The following MCC variants were observed in gnomAD, a reference collection of about 807,000 sequenced individuals.
MCC encodes MCC regulator of Wnt signaling pathway.
A neutral mutation model predicts 116.2 loss-of-function variants in MCC; 90 were observed. That is an observed-to-expected ratio of 0.77 (90% CI 0.65 to 0.92). The LOEUF (loss-of-function observed/expected upper bound fraction) is 0.92, where lower values mean the gene tolerates loss of function less well. Ranked by LOEUF, MCC falls within the 40% of genes least tolerant of loss-of-function variation. MCC has a pLI of 0.00. For synonymous variants in MCC, 578 were observed against 510.5 expected (o/e 1.13, Z -1.78); for missense variants, 1,516 against 1,312.2 (o/e 1.16, Z -2.40).
At chr5:113,311,742 G>A (rs1767138094) in intron 3 of MCC, among the ~76,000 whole-genome samples, 1 of 152,126 alleles carries the variant, frequency 6.6e-6, no homozygotes, top group Non-Finnish European at 1.5e-5. Flanking sequence ...GGAGGCTGAG[G>A]CGGGTGGATC....
chr5:113,087,459 C>G (rs1314618317), intron 8 of MCC, among the ~76,000 whole-genome samples: 1 of 152,178 alleles, frequency 6.6e-6, no homozygotes, highest in Non-Finnish European at 1.5e-5. Context: ...GATTACAGGA[C>G]TCGTTCTGAA....
intron 2 of MCC, among the ~76,000 whole-genome samples, chr5:113,348,036 A>G (rs1768175670): frequency 1.3e-5 from 2 of 152,118 alleles, no homozygotes; most frequent in South Asian, 4.1e-4. Flanking sequence ...AATTGTAATT[A>G]TGCACCCAAC....
chr5:113,051,692 C>T (rs1475233680), intron 15 of MCC, among the ~76,000 whole-genome samples: 2 of 152,044 alleles, frequency 1.3e-5, no homozygotes, highest in East Asian at 1.9e-4. Context: ...TCACTGCACT[C>T]CAGCCTGGGT....
At chr5:113,249,139 GCT>G (rs57174154) in intron 3 of MCC, among the ~76,000 whole-genome samples, 6,510 of 148,980 alleles carry the variant, frequency 0.044, 457 homozygotes, top group African/African-American at 0.15. Context: ...ACCGCACCCA[GCT>G]CTCTCTCTCT....
Position 113,488,226 on chromosome 5 carries a change from C to T in MCC, c.170+19G>A, listed in dbSNP as rs200225676. The T allele has an allele frequency of 2.9e-5, 46 of 1,582,412 alleles. No individual in the cohort carries two copies. Among genetic ancestry groups the T allele is most frequent in the African/African-American group, 9.8e-5 (7 of 71,298 alleles). On this transcript the variant is annotated intron_variant, in intron 1 of 18. Coordinates refer to ENST00000408903, the MANE Select transcript of MCC (RefSeq NM_001085377.2). ...GACTGATCTCGCTCCTGTCGGTTTCCTCGTACCTCCCCGCGTACCTGCTGA... is the reference window on the plus strand; with the variant it reads ...GACTGATCTCGCTCCTGTCGGTTTCTTCGTACCTCCCCGCGTACCTGCTGA...
chr5:113,216,268 G>C (rs1177490993), intron 3 of MCC, among the ~76,000 whole-genome samples: 37 of 152,114 alleles, frequency 2.4e-4, no homozygotes, highest in South Asian at 8.3e-4. Context: ...TAACTTATGG[G>C]TTTCCTTCCT....
At chr5:113,129,194 A>G (rs1758277442) in intron 5 of MCC, among the ~76,000 whole-genome samples, 1 of 152,136 alleles carries the variant, frequency 6.6e-6, no homozygotes, top group African/African-American at 2.4e-5. Flanking sequence ...GGTGTGAGAG[A>G]GAGAGTTTAG....
At chr5:113,329,784 T>C (rs911578529) in intron 3 of MCC, among the ~76,000 whole-genome samples, 1 of 152,140 alleles carries the variant, frequency 6.6e-6, no homozygotes, top group Non-Finnish European at 1.5e-5. Context: ...CCCTACCCCA[T>C]CCACTCACCT....
intron 3 of MCC, chr5:113,204,442 A>C (rs1289175186): frequency 6.6e-6 from 1 of 152,218 alleles, no homozygotes; most frequent in Non-Finnish European, 1.5e-5. Context: ...CATGCACCAA[A>C]TTCTAAAAAT....
intron 3 of MCC, among the ~76,000 whole-genome samples, chr5:113,198,095 G>A (rs961604438): frequency 6.6e-6 from 1 of 152,222 alleles, no homozygotes; most frequent in Non-Finnish European, 1.5e-5. Flanking sequence ...GGCCTTCTTT[G>A]TCATACTATG....
intron 2 of MCC, among the ~76,000 whole-genome samples, chr5:113,377,491 T>C (rs544345520): frequency 6.6e-6 from 1 of 151,662 alleles, no homozygotes; most frequent in South Asian, 2.1e-4. Context: ...CTAGCAAAAA[T>C]ATTAGGAAGC....
intron 14 of MCC, among the ~76,000 whole-genome samples, chr5:113,055,864 G>C (rs1286064434): frequency 6.6e-6 from 1 of 152,174 alleles, no homozygotes; most frequent in African/African-American, 2.4e-5. Context: ...TCTAATCAGA[G>C]AGGCCTTAAG....
chr5:113,040,231 G>A (rs1751607059), intron 17 of MCC, among the ~76,000 whole-genome samples: 1 of 151,878 alleles, frequency 6.6e-6, no homozygotes, highest in African/African-American at 2.4e-5. Context: ...AAAGTTAGGA[G>A]AAGATACACT....
chr5:113,239,652 G>T (rs1328235959), intron 3 of MCC, among the ~76,000 whole-genome samples: 1 of 152,130 alleles, frequency 6.6e-6, no homozygotes, highest in Non-Finnish European at 1.5e-5. Flanking sequence ...AGACTTCAAA[G>T]TGCTGCCCAT....
intron 2 of MCC, among the ~76,000 whole-genome samples, chr5:113,347,185 C>G (rs534968745): frequency 3.9e-5 from 6 of 152,178 alleles, no homozygotes; most frequent in South Asian, 2.1e-4. Flanking sequence ...CAGGAAAAGA[C>G]AGAATATTAT....
chr5:113,137,437 C>G (rs561490416), intron 5 of MCC, among the ~76,000 whole-genome samples: 2 of 152,232 alleles, frequency 1.3e-5, no homozygotes, highest in South Asian at 4.2e-4. Flanking sequence ...GCTTTTCTGT[C>G]ATCTACTGAA....
chr5:113,160,162 G>T (rs1760404357), intron 3 of MCC, among the ~76,000 whole-genome samples: 2 of 152,304 alleles, frequency 1.3e-5, no homozygotes, highest in South Asian at 4.1e-4. Flanking sequence ...TCACAAAGCA[G>T]GCCCAGGTAC....
At chr5:113,105,655 A>G (rs1756686106) in intron 6 of MCC, among the ~76,000 whole-genome samples, 2 of 152,084 alleles carry the variant, frequency 1.3e-5, no homozygotes, top group South Asian at 4.1e-4. Flanking sequence ...TCCAAAACTT[A>G]TCCTCAAACT....
chr5:113,426,493 G>A (rs889577806), intron 1 of MCC, among the ~76,000 whole-genome samples: 4 of 152,152 alleles, frequency 2.6e-5, no homozygotes, highest in Non-Finnish European at 4.4e-5. Flanking sequence ...TTCTGGGAAA[G>A]TTTTTCTTTT....
Sources: gnomAD v4.1 joint callset for allele counts (sites outside exome capture counted in the v4.1 genomes callset) on GRCh38, gnomAD v4.1.1 for gene constraint, MANE v1.5 for transcripts, NCBI Gene and HGNC (gene_info 2026-07-23, HGNC 2026-07-21) for gene names.